Variants in FRMD4B observed in about 807,000 individuals in gnomAD.
The protein encoded by FRMD4B is FERM domain containing 4B.
In FRMD4B, 74 loss-of-function variants were observed where a neutral mutation model predicts 141.5. That is an observed-to-expected ratio of 0.52 (90% CI 0.43 to 0.63). FRMD4B has a LOEUF of 0.63. Ranked by LOEUF, FRMD4B falls within the 30% of genes least tolerant of loss-of-function variation. The probability of loss-of-function intolerance (pLI) is 0.00; values close to 1 mark genes in which losing one functional copy is unlikely to be tolerated. For missense variants in FRMD4B, 1,366 were observed against 1,253.4 expected (o/e 1.09, Z -1.36); for synonymous variants, 506 against 467.9 (o/e 1.08, Z -1.05).
At chr3:69,493,487 C>T (rs1350301779) in intron 1 of FRMD4B, among the ~76,000 whole-genome samples, 1 of 152,154 alleles carries the variant, frequency 6.6e-6, no homozygotes, top group Non-Finnish European at 1.5e-5. Context: ...CCAGGTCTGG[C>T]TGCTATTTGA....
At chr3:69,332,188 C>T (rs1702391617) in intron 1 of FRMD4B, among the ~76,000 whole-genome samples, 1 of 152,204 alleles carries the variant, frequency 6.6e-6, no homozygotes, top group East Asian at 1.9e-4. Flanking sequence ...AGGTGGTGAG[C>T]AGGTTCCACT....
intron 1 of FRMD4B, among the ~76,000 whole-genome samples, chr3:69,526,334 T>C (rs1700930409): frequency 6.6e-6 from 1 of 152,214 alleles, no homozygotes; most frequent in Non-Finnish European, 1.5e-5. Context: ...GTTGAATTGA[T>C]AACACACTTT....
intron 1 of FRMD4B, among the ~76,000 whole-genome samples, chr3:69,496,151 G>C (rs934123356): frequency 6.6e-6 from 1 of 152,180 alleles, no homozygotes; most frequent in African/African-American, 2.4e-5. Context: ...TAAAATAGGA[G>C]TAGAAAAATG....
chr3:69,191,302 C>T (rs999795758), intron 17 of FRMD4B, among the ~76,000 whole-genome samples: 1 of 152,088 alleles, frequency 6.6e-6, no homozygotes, highest in African/African-American at 2.4e-5. Context: ...TGCCTGTAAT[C>T]CCAGCTATTT....
intron 2 of FRMD4B, among the ~76,000 whole-genome samples, chr3:69,426,319 A>AGC (rs1423409281): frequency 1.6e-5 from 2 of 123,498 alleles, no homozygotes; most frequent in Non-Finnish European, 3.3e-5. Flanking sequence ...AACTTTTAAA[A>AGC]GCGTGTGTGT....
At chr3:69,200,943 C>G in intron 11 of FRMD4B, 1 of 440,618 alleles carries the variant, frequency 2.3e-6, no homozygotes, top group South Asian at 1.6e-5. Context: ...CCACCTCCCC[C>G]TCTTATCACT....
chr3:69,227,162 A>G (rs1006195366), intron 7 of FRMD4B, among the ~76,000 whole-genome samples: 1 of 152,234 alleles, frequency 6.6e-6, no homozygotes, highest in African/African-American at 2.4e-5. Context: ...TACTCCAGTT[A>G]TAAGATGTTA....
chr3:69,374,203 T>C (rs1158654138), intron 1 of FRMD4B, among the ~76,000 whole-genome samples: 1 of 152,172 alleles, frequency 6.6e-6, no homozygotes, highest in African/African-American at 2.4e-5. Flanking sequence ...CTTTAACCTT[T>C]ATACCAAACT....
upstream of FRMD4B, among the ~76,000 whole-genome samples, chr3:69,391,018 T>C (rs1180952151): frequency 6.6e-6 from 1 of 152,166 alleles, no homozygotes. Context: ...AATGAAGCAA[T>C]CACTGTATAA....
At chr3:69,540,652 TATATATATACACAC>T (rs1411474358) in intron 1 of FRMD4B, among the ~76,000 whole-genome samples, 10 of 82,044 alleles carry the variant, frequency 1.2e-4, no homozygotes, top group Non-Finnish European at 1.7e-4. Flanking sequence ...TATATATATA[TATATATATACACAC>T]ACACACACAC....
chr3:69,365,675 A>G (rs1215946211), intron 1 of FRMD4B, among the ~76,000 whole-genome samples: 1 of 151,760 alleles, frequency 6.6e-6, no homozygotes, highest in Admixed American at 6.6e-5. Flanking sequence ...TAATTTTAGT[A>G]TTATTACAGA....
At chr3:69,321,874 C>G (rs1702011611) in intron 1 of FRMD4B, among the ~76,000 whole-genome samples, 1 of 152,232 alleles carries the variant, frequency 6.6e-6, no homozygotes, top group Non-Finnish European at 1.5e-5. Context: ...GCCACCACAC[C>G]TGGCTAATTT....
intron 2 of FRMD4B, among the ~76,000 whole-genome samples, chr3:69,407,880 T>G (rs1326790713): frequency 2.0e-5 from 3 of 152,202 alleles, no homozygotes; most frequent in Admixed American, 1.3e-4. Context: ...TTTTTTTTCC[T>G]CGTGGAGCCA....
At chr3:69,492,614 A>G (rs950642587) in intron 1 of FRMD4B, among the ~76,000 whole-genome samples, 5 of 152,022 alleles carry the variant, frequency 3.3e-5, no homozygotes, top group Non-Finnish European at 4.4e-5. Flanking sequence ...CCCTTCTGCG[A>G]CCCTGGAAGA....
intron 19 of FRMD4B, 55 bp downstream of exon 19, chr3:69,187,715 A>G: frequency 6.5e-7 from 1 of 1,530,534 alleles, no homozygotes; most frequent in Non-Finnish European, 8.9e-7. Context: ...TGCATTTTGG[A>G]GGAAAAATTT....
intron 1 of FRMD4B, among the ~76,000 whole-genome samples, chr3:69,380,251 AC>A (rs1428147208): frequency 2.6e-5 from 4 of 152,060 alleles, no homozygotes; most frequent in African/African-American, 9.7e-5. Context: ...CCCAAGGTCC[AC>A]CCCACACACG....
At chr3:69,190,008 G>T in intron 17 of FRMD4B, 56 bp from the exon 18 acceptor site, 1 of 959,366 alleles carries the variant, frequency 1.0e-6, no homozygotes, top group Non-Finnish European at 1.7e-6. Flanking sequence ...AATTAGAGGG[G>T]TCTTAGATAA....
intron 5 of FRMD4B, among the ~76,000 whole-genome samples, chr3:69,277,940 C>G (rs1235113011): frequency 6.6e-6 from 1 of 151,936 alleles, no homozygotes; most frequent in Non-Finnish European, 1.5e-5. Flanking sequence ...ACTACAACCT[C>G]TGCCTCCCGG....
At chr3:69,477,482 T>C (rs1434103851) in intron 1 of FRMD4B, among the ~76,000 whole-genome samples, 2 of 151,686 alleles carry the variant, frequency 1.3e-5, no homozygotes, top group Non-Finnish European at 2.9e-5. Flanking sequence ...TTGTCTTTGG[T>C]TCTGTTTATA....
Sources: allele counts gnomAD v4.1 joint callset (sites outside exome capture counted in the v4.1 genomes callset), GRCh38; gene constraint gnomAD v4.1.1; transcripts MANE v1.5; gene names NCBI Gene and HGNC (gene_info 2026-07-23, HGNC 2026-07-21).